Variants in COL28A1 observed in about 807,000 individuals in gnomAD.
COL28A1 encodes collagen alpha-1(XXVIII) chain.
Under a neutral mutation model 150.2 loss-of-function variants are expected in COL28A1, and 161 were observed. The observed-to-expected ratio is 1.07, with a 90% confidence interval of 0.94 to 1.22. COL28A1 has a LOEUF of 1.22. Among genes scored for constraint, COL28A1 ranks in the 50% most tolerant of loss-of-function variants. The probability of loss-of-function intolerance (pLI) is 0.00; values close to 1 mark genes in which losing one functional copy is unlikely to be tolerated. For synonymous variants in COL28A1, 552 were observed against 469.7 expected, an observed-to-expected ratio of 1.18 and a Z score of -2.26; for missense variants, 1,617 against 1,388.3, an observed-to-expected ratio of 1.16 and a Z score of -2.62.
intron 11 of COL28A1, among the ~76,000 whole-genome samples, chr7:7,493,902 T>C (rs1780062615): frequency 6.6e-6 from 1 of 152,018 alleles, no homozygotes; most frequent in Non-Finnish European, 1.5e-5. Flanking sequence ...AAAAATTGCA[T>C]GCCCACAGTA....
intron 1 of COL28A1, among the ~76,000 whole-genome samples, chr7:7,534,961 C>T (rs540816087): frequency 6.6e-6 from 1 of 152,190 alleles, no homozygotes; most frequent in Admixed American, 6.6e-5. Flanking sequence ...CTACTGCTTC[C>T]CTGAAATATC....
At chr7:7,458,339 C>T (rs563812346) in intron 15 of COL28A1, among the ~76,000 whole-genome samples, 6 of 150,316 alleles carry the variant, frequency 4.0e-5, no homozygotes, top group African/African-American at 4.9e-5. Flanking sequence ...TCATTTGAAC[C>T]GGGGAGGTGA....
chr7:7,482,532 A>T (rs1462140122), intron 13 of COL28A1, among the ~76,000 whole-genome samples: 1 of 151,922 alleles, frequency 6.6e-6, no homozygotes, highest in East Asian at 1.9e-4. Context: ...TCTCAGAAAA[A>T]AAAAAAAAAA....
intron 15 of COL28A1, among the ~76,000 whole-genome samples, chr7:7,471,125 TAA>T (rs746981344): frequency 9.9e-4 from 88 of 88,504 alleles, no homozygotes; most frequent in African/African-American, 2.9e-3. Context: ...AAAAAATAAT[TAA>T]AAAAAAAAAA....
In COL28A1 at chr7:7,489,450, C is replaced by T; in HGVS notation, c.1103G>A (p.Arg368Lys). The T allele has an allele frequency of 7.4e-7, 1 of 1,355,224 alleles. No homozygotes were observed. Among genetic ancestry groups the T allele is most frequent in the Non-Finnish European group, 1.1e-6 (1 of 943,342 alleles). The allele number at this position is 1,355,224 out of a possible 1,614,324, so 83.9% of individuals were successfully genotyped here. Residue 368 changes from arginine (R) to lysine (K), a missense_variant, in exon 13 of 35, where the codon AGA becomes AAA. Arg to Lys is a conservative substitution (Grantham distance 26, BLOSUM62 2). Transcript: ENST00000399429. Reference sequence around the variant, plus strand: ...AGCTCCCGGTCTTCCTTCTTGGCCTCTTTCTCCCTAAGAGAAAGAAATAAT... The same window carrying T: ...AGCTCCCGGTCTTCCTTCTTGGCCTTTTTCTCCCTAAGAGAAAGAAATAAT... The part of the protein sequence containing the change: ...GIGQQGIKGE[R>K]GQEGRPGAPG...
At chr7:7,483,283 C>T (rs767239747) in intron 13 of COL28A1, among the ~76,000 whole-genome samples, 4 of 152,156 alleles carry the variant, frequency 2.6e-5, no homozygotes, top group Non-Finnish European at 5.9e-5. Flanking sequence ...GCATTTTCAA[C>T]TTACAGTATT....
intron 22 of COL28A1, among the ~76,000 whole-genome samples, chr7:7,437,136 T>G (rs1785401799): frequency 6.6e-6 from 1 of 152,246 alleles, no homozygotes; most frequent in South Asian, 2.1e-4. Context: ...TCTAAATTCT[T>G]ACCTGCATTA....
chr7:7,417,527 A>AGGGAGGGAGGGGGAGGGAAGGAGGGAGGG, intron 27 of COL28A1: 1 of 84,148 alleles, frequency 1.2e-5, no homozygotes. Flanking sequence ...GGGAGGGGGG[A>AGGGAGGGAGGGGGAGGGAAGGAGGGAGGG]GGGAGGGAGG....
At chr7:7,502,242 T>C (rs1386601975) in intron 11 of COL28A1, among the ~76,000 whole-genome samples, 1 of 152,120 alleles carries the variant, frequency 6.6e-6, no homozygotes. Flanking sequence ...TCCTGTGTGG[T>C]AGAGGATGAG....
At chr7:7,397,387 A>T (rs895009883) in intron 27 of COL28A1, among the ~76,000 whole-genome samples, 1 of 152,046 alleles carries the variant, frequency 6.6e-6, no homozygotes, top group Non-Finnish European at 1.5e-5. Context: ...AATCTCCCCA[A>T]CTCAGGATTC....
At chr7:7,401,194 A>C (rs542303054) in intron 27 of COL28A1, among the ~76,000 whole-genome samples, 2 of 152,074 alleles carry the variant, frequency 1.3e-5, no homozygotes, top group African/African-American at 2.4e-5. Flanking sequence ...TGGCCACTCC[A>C]TCTCAGCCTT....
chr7:7,359,031 G>A (rs1028086104), intron 34 of COL28A1, among the ~76,000 whole-genome samples: 2 of 151,926 alleles, frequency 1.3e-5, no homozygotes, highest in Non-Finnish European at 2.9e-5. Context: ...AAACATGAAA[G>A]TTTTTGATCC....
chr7:7,416,471 T>C (rs1231413428), intron 27 of COL28A1, among the ~76,000 whole-genome samples: 1 of 152,238 alleles, frequency 6.6e-6, no homozygotes, highest in Non-Finnish European at 1.5e-5. Flanking sequence ...ACTGAGCTCA[T>C]GTTGGTGACA....
chr7:7,402,842 T>C lies in COL28A1; in HGVS notation c.2136+15017A>G, dbSNP rs559600720. ...AGCACTTACCACAGTACCCAGCACA[T>C]AGATGCTCATTAATATTTGTTGAAT... On this transcript the variant is annotated intron_variant, in intron 27 of 34. Coordinates refer to ENST00000399429, the MANE Select transcript of COL28A1 (RefSeq NM_001037763.3). Among the ~76,000 whole-genome samples, 18 of 152,302 alleles carry C rather than the reference T, an allele frequency of 1.2e-4. No homozygotes were observed. In the South Asian group the frequency reaches 1.7e-3, roughly 14 times the overall value.
At chr7:7,392,101 G>C (rs771566024) in intron 27 of COL28A1, among the ~76,000 whole-genome samples, 1 of 152,158 alleles carries the variant, frequency 6.6e-6, no homozygotes, top group Non-Finnish European at 1.5e-5. Flanking sequence ...GTATGTTTCT[G>C]GCATTGGCTG....
At chr7:7,520,627 T>C (rs1457242688) in intron 5 of COL28A1, among the ~76,000 whole-genome samples, 1 of 152,154 alleles carries the variant, frequency 6.6e-6, no homozygotes, top group East Asian at 1.9e-4. Context: ...AAGCATTTTG[T>C]TTTCCTGTTC....
chr7:7,420,629 G>A (rs943507485), intron 25 of COL28A1, among the ~76,000 whole-genome samples: 2 of 152,230 alleles, frequency 1.3e-5, no homozygotes, highest in African/African-American at 4.8e-5. Context: ...CAATAATCTT[G>A]CATTATAATG....
chr7:7,535,450 A>AT (rs1172898968), intron 1 of COL28A1, among the ~76,000 whole-genome samples: 2 of 152,194 alleles, frequency 1.3e-5, no homozygotes, highest in Non-Finnish European at 2.9e-5. Context: ...ACTAATTCTG[A>AT]ATTGTAAACC....
At chr7:7,498,339 G>A (rs191328676) in intron 11 of COL28A1, among the ~76,000 whole-genome samples, 4 of 152,222 alleles carry the variant, frequency 2.6e-5, no homozygotes, top group Admixed American at 2.0e-4. Context: ...ATGAGTTGCT[G>A]GTAAAAATTC....
Sources: gnomAD v4.1 joint callset for allele counts (sites outside exome capture counted in the v4.1 genomes callset) on GRCh38, gnomAD v4.1.1 for gene constraint, MANE v1.5 for transcripts, NCBI Gene and HGNC (gene_info 2026-07-23, HGNC 2026-07-21) for gene names.